CGAS: variants seen among roughly 807,000 people sequenced by gnomAD.
CGAS encodes the protein cyclic GMP-AMP synthase, also known as 2'3'-cGAMP synthase.
CGAS carries 31 observed loss-of-function variants against 34.0 expected under a neutral mutation model. The ratio of observed to expected loss-of-function variants is 0.91; its 90% CI spans 0.69 to 1.23. CGAS has a LOEUF of 1.23. Ranked by LOEUF, CGAS falls within the 50% of genes most tolerant of loss-of-function variation. The probability of loss-of-function intolerance (pLI) is 0.00; values close to 1 mark genes in which losing one functional copy is unlikely to be tolerated. For synonymous variants in CGAS, 266 were observed against 260.0 expected, an observed-to-expected ratio of 1.02 and a Z score of -0.22; for missense variants, 597 against 657.6, an observed-to-expected ratio of 0.91 and a Z score of 1.01.
chr6:73,430,523 C>A (rs956753569), intron 3 of CGAS, among the ~76,000 whole-genome samples: 39 of 152,172 alleles, frequency 2.6e-4, no homozygotes, highest in African/African-American at 9.4e-4. Context: ...TGTATATAGT[C>A]CCAGCTACTT....
chr6:73,431,425 C>G (rs965076475), intron 3 of CGAS, among the ~76,000 whole-genome samples: 1 of 152,052 alleles, frequency 6.6e-6, no homozygotes, highest in Non-Finnish European at 1.5e-5. Context: ...GAGCCAAGAT[C>G]GGGCGATTGC....
At chr6:73,434,173 G>C (rs963455740) in intron 3 of CGAS, among the ~76,000 whole-genome samples, 3 of 152,188 alleles carry the variant, frequency 2.0e-5, no homozygotes, top group Admixed American at 6.6e-5. Context: ...CAATACGGTT[G>C]GCCCTCTGTA....
chr6:73,446,445 G>C (rs868403777), intron 1 of CGAS, among the ~76,000 whole-genome samples: 1 of 9,590 alleles, frequency 1.0e-4, no homozygotes, highest in Non-Finnish European at 2.0e-4. Context: ...AAAAAATCGG[G>C]CCGGGCGCGG....
In CGAS at chr6:73,424,887, TCTGTCA is replaced by T. The variant is rs1770058511; in HGVS notation, c.*334_*339del. The T allele has an allele frequency of 6.5e-6, 1 of 153,284 alleles. No individual in the cohort carries two copies. Among genetic ancestry groups the T allele is most frequent in the Non-Finnish European group, 1.5e-5 (1 of 68,840 alleles). The allele number at this position is 153,284 out of a possible 1,614,324, so 9.5% of individuals were successfully genotyped here. ...TTTATTTTTTGAGAGGAAGTCTTGC[TCTGTCA>T]CCCAGGATGGAGTGCAGTGGTGCCA... On this transcript the variant is annotated 3_prime_UTR_variant, in exon 5 of 5. Coordinates refer to ENST00000370315, the MANE Select transcript of CGAS (RefSeq NM_138441.3).
chr6:73,431,459 A>T (rs957518983), intron 3 of CGAS, among the ~76,000 whole-genome samples: 4 of 152,134 alleles, frequency 2.6e-5, no homozygotes, highest in African/African-American at 9.7e-5. Flanking sequence ...CAACAAGAGC[A>T]AAACTCCCTC....
Position 73,445,525 on chromosome 6 carries a change from T to C in CGAS, c.877+3A>G, listed in dbSNP as rs761183846. ...TTTAAGAATCAAAAGGCAAAAGTCT[T>C]ACCTTTAATGTCGTTAATTTCTTCC... On this transcript the variant is annotated splice_donor_region_variant and intron_variant, in intron 2 of 4. Transcript: ENST00000370315. The C allele has an allele frequency of 6.3e-7, 1 of 1,590,500 alleles. No homozygotes were observed. Among genetic ancestry groups the C allele is most frequent in the South Asian group, 1.1e-5 (1 of 87,332 alleles).
intron 1 of CGAS, among the ~76,000 whole-genome samples, chr6:73,451,036 T>C (rs1255032625): frequency 2.7e-5 from 4 of 145,456 alleles, no homozygotes; most frequent in African/African-American, 1.0e-4. Flanking sequence ...AAAAAGAAAT[T>C]GGGGTCAGAC....
chr6:73,450,428 A>G (rs1770545242), intron 1 of CGAS, among the ~76,000 whole-genome samples: 1 of 151,700 alleles, frequency 6.6e-6, no homozygotes, highest in Admixed American at 6.6e-5. Flanking sequence ...AAAAAAAAAA[A>G]AGAAAGAAAG....
chr6:73,437,685 T>C (rs77140937), intron 3 of CGAS, among the ~76,000 whole-genome samples: 2,817 of 152,294 alleles, frequency 0.018, 88 homozygotes, highest in African/African-American at 0.064. Context: ...AAGTAAATCA[T>C]AAACTGTTCT....
rs1220353255 is a variant in CGAS, at chr6:73,425,165, T to C, written c.*62A>G. On this transcript the variant is annotated 3_prime_UTR_variant, in exon 5 of 5. Transcript: ENST00000370315. ...ACAGCGTCTGGCCCCTTTTCAAATT[T>C]TTCTTGTATTCTCCAGGATTTAGGG... is the stretch of plus-strand genomic sequence containing the variant. 2 of 1,292,126 alleles carry C rather than the reference T, an allele frequency of 1.5e-6. No individual in the cohort carries two copies. Among genetic ancestry groups the C allele is most frequent in the Non-Finnish European group, 2.1e-6 (2 of 950,830 alleles). The allele number at this position is 1,292,126 out of a possible 1,614,324, so 80.0% of individuals were successfully genotyped here.
chr6:73,440,847 A>G (rs1011485232), intron 2 of CGAS, among the ~76,000 whole-genome samples: 2 of 151,962 alleles, frequency 1.3e-5, no homozygotes, highest in African/African-American at 4.8e-5. Flanking sequence ...GGTTGCAGTG[A>G]GCCGAGATCA....
chr6:73,443,618 C>T (rs1582656014), intron 2 of CGAS, among the ~76,000 whole-genome samples: 1 of 152,332 alleles, frequency 6.6e-6, no homozygotes, highest in Non-Finnish European at 1.5e-5. Flanking sequence ...CTCCCACATT[C>T]CTGATCCCTC....
rs373768234 is a variant in CGAS at position 73,445,481 on chromosome 6, T to C, written c.877+47A>G. 306 of 1,360,594 alleles carry C rather than the reference T, an allele frequency of 2.2e-4. No homozygotes were observed. In the South Asian group the frequency reaches 2.9e-3, roughly 13 times the overall value. 84.3% of individuals were successfully genotyped at this position (1,360,594 alleles called of 1,614,324 possible). A position where few individuals can be genotyped will look rare whatever the true frequency, so the allele number is the denominator to read the frequency against. On this transcript the variant is annotated intron_variant, in intron 2 of 4. Coordinates refer to ENST00000370315, the MANE Select transcript of CGAS (RefSeq NM_138441.3). ...GAGAATGGGAGTGTACATTGGCAATTACTAGGTATAATTAAACCTTTAAGA... is the reference window on the plus strand; with the variant it reads ...GAGAATGGGAGTGTACATTGGCAATCACTAGGTATAATTAAACCTTTAAGA...
At chr6:73,433,054 A>G (rs1467264727) in intron 3 of CGAS, among the ~76,000 whole-genome samples, 1 of 152,152 alleles carries the variant, frequency 6.6e-6, no homozygotes, top group African/African-American at 2.4e-5. Context: ...ACTGCACTCC[A>G]GCCTGGGTGA....
chr6:73,442,404 C>CTT (rs575356584), intron 2 of CGAS, among the ~76,000 whole-genome samples: 2 of 140,738 alleles, frequency 1.4e-5, no homozygotes, highest in Non-Finnish European at 1.5e-5. Context: ...CCAGCCCAAA[C>CTT]TTTTTTTTTT....
Position 73,428,783 on chromosome 6 carries a change from G to A in CGAS, c.1143C>T (p.His381=). The A allele has an allele frequency of 1.2e-6, 2 of 1,613,692 alleles. No individual in the cohort carries two copies. The highest frequency in any genetic ancestry group is 1.7e-6 in the Non-Finnish European group (2 of 1,179,910). The change falls in exon 4 of 5, where the codon CAC becomes CAT. Residue 381 remains histidine (H), a synonymous_variant. Transcript: ENST00000370315. ...QEETWRLSFS[H]IEKEILNNHG... ...GATTGTTCAAAATTTCCTTTTCGATGTGAGAGAAGGATAGCCGCCATGTTT... is the reference window on the plus strand; with the variant it reads ...GATTGTTCAAAATTTCCTTTTCGATATGAGAGAAGGATAGCCGCCATGTTT...
At chr6:73,426,928 G>A (rs564184617) in intron 4 of CGAS, among the ~76,000 whole-genome samples, 32 of 150,154 alleles carry the variant, frequency 2.1e-4, no homozygotes, top group East Asian at 1.4e-3. Flanking sequence ...TCAGCTCACC[G>A]CAACCTCTGC....
At chr6:73,434,370 C>T (rs187606506) in intron 3 of CGAS, among the ~76,000 whole-genome samples, 2 of 152,246 alleles carry the variant, frequency 1.3e-5, no homozygotes, top group East Asian at 1.9e-4. Context: ...TGGCACGTAC[C>T]GTTGATAAAA....
At position 73,451,901 on chromosome 6, in the gene CGAS, G is replaced by C. The variant is rs1026365134; in HGVS notation, c.281C>G (p.Ser94Cys). The C allele has an allele frequency of 2.0e-6, 3 of 1,529,240 alleles. No homozygotes were observed. Among genetic ancestry groups the C allele is most frequent in the Non-Finnish European group, 1.8e-6 (2 of 1,134,648 alleles). 94.7% of individuals were successfully genotyped at this position (1,529,240 alleles called of 1,614,324 possible). A position where few individuals can be genotyped will look rare whatever the true frequency, so the allele number is the denominator to read the frequency against. Residue 94 changes from serine to cysteine, a missense_variant, in exon 1 of 5, where the codon TCT becomes TGT. Coordinates refer to ENST00000370315, the MANE Select transcript of CGAS (RefSeq NM_138441.3). ...APQRAQDTQPSDATSAPGAEG... is the reference protein window; with the variant it reads ...APQRAQDTQPCDATSAPGAEG... ...TGCCCCAGGGGCGCTGGTGGCGTCA[G>C]ACGGCTGCGTGTCCTGGGCGCGCTG...
Sources: gnomAD v4.1 joint callset for allele counts (sites outside exome capture counted in the v4.1 genomes callset) on GRCh38, gnomAD v4.1.1 for gene constraint, MANE v1.5 for transcripts, NCBI Gene and HGNC (gene_info 2026-07-23, HGNC 2026-07-21) for gene names.